MYH14: variants seen among roughly 807,000 people sequenced by gnomAD.
The protein encoded by MYH14 is myosin-14.
Under a neutral mutation model 255.5 loss-of-function variants are expected in MYH14, and 123 were observed. The observed-to-expected ratio is 0.48, with a 90% confidence interval of 0.42 to 0.56. The LOEUF is 0.56. Among genes scored for constraint, MYH14 ranks in the 20% least tolerant of loss-of-function variants. The probability of loss-of-function intolerance (pLI) is 0.00; values close to 1 mark genes in which losing one functional copy is unlikely to be tolerated. For synonymous variants in MYH14, 1,095 were observed against 1,161.2 expected, an observed-to-expected ratio of 0.94 and a Z score of 1.16; for missense variants, 2,423 against 2,802.3, an observed-to-expected ratio of 0.86 and a Z score of 3.06.
intron 41 of MYH14, 50 bp downstream of exon 41, chr19:50,307,207 G>T: frequency 8.5e-7 from 1 of 1,171,532 alleles, no homozygotes; most frequent in South Asian, 1.3e-5. Flanking sequence ...ACCACTGGCT[G>T]AGAAATTGCA....
Position 50,247,090 on chromosome 19 carries a change from G to C in MYH14, c.1297G>C (p.Asp433His). 1 of 1,613,538 alleles carries C rather than the reference G, an allele frequency of 6.2e-7. No individual in the cohort carries two copies. Among genetic ancestry groups the C allele is most frequent in the Non-Finnish European group, 8.5e-7 (1 of 1,179,748 alleles). Residue 433 changes from aspartate to histidine, a missense_variant, in exon 12 of 43, where the codon GAC becomes CAC. Physicochemically the swap from Asp to His is moderately conservative, Grantham distance 81 (BLOSUM62 -1). This residue lies in a region of MYH14 where 672 missense variants were observed against 881.8 expected (regional missense o/e 0.76). Coordinates refer to ENST00000642316, the MANE Select transcript of MYH14 (RefSeq NM_001145809.2). The part of the protein sequence containing the change: ...LLTPRIKVGR[D>H]YVQKAQTKEQ... ...CACCCCTCGCATCAAAGTTGGCCGA[G>C]ACTATGTGCAGAAAGCCCAGACTAA...
chr19:50,226,765 G>A (rs2123217459), intron 7 of MYH14, 138 bp from the exon 8 acceptor site: 1 of 769,688 alleles, frequency 1.3e-6, no homozygotes, highest in Non-Finnish European at 2.2e-6. Flanking sequence ...CACAGGATGG[G>A]GTTCAGGTAG....
intron 34 of MYH14, among the ~76,000 whole-genome samples, chr19:50,287,478 T>C (rs182103565): frequency 2.6e-5 from 4 of 152,244 alleles, no homozygotes; most frequent in Admixed American, 2.6e-4. Context: ...AGTGGTGCAA[T>C]CATGGCACAT....
chr19:50,278,537 G>GAA (rs5828429), intron 30 of MYH14, among the ~76,000 whole-genome samples: 13 of 148,668 alleles, frequency 8.7e-5, no homozygotes, highest in Non-Finnish European at 1.5e-4. Flanking sequence ...CCCATCTTCA[G>GAA]AAAAAAAAAA....
intron 30 of MYH14, among the ~76,000 whole-genome samples, chr19:50,278,931 T>A (rs903433477): frequency 6.6e-6 from 1 of 151,900 alleles, no homozygotes; most frequent in Non-Finnish European, 1.5e-5. Context: ...GAGGTTGTGA[T>A]GAGCTGAGAC....
At chr19:50,248,556 C>T (rs868523734) in intron 12 of MYH14, among the ~76,000 whole-genome samples, 2 of 152,264 alleles carry the variant, frequency 1.3e-5, no homozygotes, top group African/African-American at 2.4e-5. Context: ...CACACTGACC[C>T]GGGTTCAATC....
chr19:50,263,282 A>G (rs1049312558), intron 21 of MYH14, 30 bp from the exon 22 acceptor site: 8 of 1,452,418 alleles, frequency 5.5e-6, no homozygotes, highest in Non-Finnish European at 7.4e-6. Context: ...GGAGGCTCCC[A>G]CTCTGCCCCT....
intron 39 of MYH14, among the ~76,000 whole-genome samples, chr19:50,298,288 A>G (rs2036350434): frequency 6.6e-6 from 1 of 152,064 alleles, no homozygotes; most frequent in South Asian, 2.1e-4. Context: ...TGCAGGTGAA[A>G]GAGGGGGCAG....
chr19:50,283,234 C>T (rs1367857485), intron 33 of MYH14, among the ~76,000 whole-genome samples: 1 of 152,118 alleles, frequency 6.6e-6, no homozygotes, highest in Non-Finnish European at 1.5e-5. Flanking sequence ...ATTCTCGTGC[C>T]TCAGCCTCCC....
At chr19:50,285,489 T>G (rs2035863352) in intron 33 of MYH14, 1 of 152,252 alleles carries the variant, frequency 6.6e-6, no homozygotes, top group Admixed American at 6.5e-5. Context: ...GTTTTATGGC[T>G]ATTTTAAGTG....
intron 5 of MYH14, among the ~76,000 whole-genome samples, chr19:50,223,939 C>T (rs1233406595): frequency 6.6e-6 from 1 of 152,102 alleles, no homozygotes; most frequent in Non-Finnish European, 1.5e-5. Flanking sequence ...GGGACCCCAT[C>T]GCTACAAAAA....
In MYH14 at chr19:50,236,670, T is replaced by G. The variant is rs145926644; in HGVS notation, c.1114+4600T>G. Reference sequence around the variant, plus strand: ...TTGCAGTGAGCCAAGATTAAGCCACTGCACTCCAGCCTGGGTGTCAGAGCA... The same window carrying G: ...TTGCAGTGAGCCAAGATTAAGCCACGGCACTCCAGCCTGGGTGTCAGAGCA... On this transcript the variant is annotated intron_variant, in intron 10 of 42. Transcript: ENST00000642316. Among the ~76,000 whole-genome samples the G allele has an allele frequency of 3.9e-5, 6 of 151,916 alleles. No homozygotes were observed. In the East Asian group the frequency reaches 7.7e-4, roughly 20 times the overall value.
intron 5 of MYH14, among the ~76,000 whole-genome samples, chr19:50,223,594 CT>C (rs1193043142): frequency 6.6e-6 from 1 of 152,192 alleles, no homozygotes; most frequent in Non-Finnish European, 1.5e-5. Flanking sequence ...TAGGTGCTTT[CT>C]TTTCTGAGCA....
At chr19:50,226,851 G>C in intron 7 of MYH14, 52 bp from the exon 8 acceptor site, 1 of 1,574,248 alleles carries the variant, frequency 6.4e-7, no homozygotes, top group Non-Finnish European at 8.7e-7. Context: ...GTTCACGTGT[G>C]AGTGGGGAAG....
chr19:50,248,319 A>T (rs1305827159), intron 12 of MYH14, among the ~76,000 whole-genome samples: 2 of 152,128 alleles, frequency 1.3e-5, no homozygotes, highest in African/African-American at 4.8e-5. Context: ...TGCATGGAGA[A>T]TTGGGTTCAG....
At position 50,276,871 on chromosome 19, in the gene MYH14, G is replaced by A. The variant is rs557038662; in HGVS notation, c.3795G>A (p.Glu1265=). 1.7e-5 allele frequency: 27 copies of A among 1,611,578 alleles called. No individual in the cohort carries two copies. In the African/African-American group the frequency reaches 3.1e-4, roughly 18 times the overall value. Reference sequence around the variant, plus strand: ...AGCGCCACGGCCAGGCCCTGGGGGAGCTGGCGGAGCAGCTGGAGCAGGCCC... The same window carrying A: ...AGCGCCACGGCCAGGCCCTGGGGGAACTGGCGGAGCAGCTGGAGCAGGCCC... ...LRQRHGQALG[E]LAEQLEQARR... The change falls in exon 29 of 43, where the codon GAG becomes GAA. Residue 1265 remains glutamate, a synonymous_variant. Transcript: ENST00000642316. The surrounding 1 kb of genome is among the most constrained non-coding windows in gnomAD (Gnocchi z 4.3).
rs754550686 is a variant in MYH14 at position 50,268,236 on chromosome 19, C to T, written c.2902C>T (p.Arg968Trp). Residue 968 changes from arginine to tryptophan, a missense_variant, in exon 24 of 43, where the codon CGG (arginine) becomes TGG (tryptophan). Arg to Trp is a moderately radical substitution (Grantham distance 101, BLOSUM62 -3). Coordinates refer to ENST00000642316, the MANE Select transcript of MYH14 (RefSeq NM_001145809.2). ...ACTGTGTGCAGAGGCCGAGGAGACG[C>T]GGGGGAGGCTGGCAGCCCGCAAGCA... ...AELCAEAEET[R>W]GRLAARKQEL... 8 of 1,564,930 alleles carry T rather than the reference C, an allele frequency of 5.1e-6. No individual in the cohort carries two copies. The highest frequency in any genetic ancestry group is 2.4e-5 in the East Asian group (1 of 41,776).
chr19:50,283,782 T>C (rs544487728), intron 33 of MYH14, among the ~76,000 whole-genome samples: 100 of 152,348 alleles, frequency 6.6e-4, no homozygotes, highest in Non-Finnish European at 1.2e-3. Flanking sequence ...TTTTGAAAAT[T>C]CTTTATGGGC....
chr19:50,248,960 G>T, intron 12 of MYH14, 27 bp from the exon 13 acceptor site: 4 of 1,611,680 alleles, frequency 2.5e-6, no homozygotes, highest in Non-Finnish European at 3.4e-6. Context: ...TGCAGGCTGC[G>T]CCCTTACCAT....
Sources: allele counts gnomAD v4.1 joint callset (sites outside exome capture counted in the v4.1 genomes callset), GRCh38; gene constraint gnomAD v4.1.1; regional missense constraint gnomAD v4.1.1; non-coding constraint Gnocchi (gnomAD v3.1); transcripts MANE v1.5; gene names NCBI Gene and HGNC (gene_info 2026-07-23, HGNC 2026-07-21).